Variants in TRAM1 observed in about 807,000 individuals in gnomAD.
TRAM1 encodes translocation associated membrane protein 1.
In TRAM1, 17 loss-of-function variants were observed where a neutral mutation model predicts 48.7. The ratio of observed to expected loss-of-function variants is 0.35; its 90% confidence interval spans 0.24 to 0.52. The LOEUF is 0.52. Among genes scored for constraint, TRAM1 ranks in the 20% least tolerant of loss-of-function variants. The pLI, the probability that TRAM1 is intolerant of heterozygous loss-of-function variation, is 0.94. For synonymous variants in TRAM1, 182 were observed against 154.0 expected, an observed-to-expected ratio of 1.18 and a Z score of -1.34; for missense variants, 351 against 441.5, an observed-to-expected ratio of 0.79 and a Z score of 1.84.
In TRAM1 at chr8:70,581,815, C is replaced by G. The variant is rs757164486; in HGVS notation, c.1051+1349G>C. On this transcript the variant is annotated intron_variant, in intron 10 of 10. Coordinates refer to ENST00000262213, the MANE Select transcript of TRAM1 (RefSeq NM_014294.6). Reference sequence around the variant, plus strand: ...GGCTGTAAAAATAAATGAAGTCTTTCTATATGCTATGACATGGATGAACCT... The same window carrying G: ...GGCTGTAAAAATAAATGAAGTCTTTGTATATGCTATGACATGGATGAACCT... Among the ~76,000 whole-genome samples the G allele has an allele frequency of 1.9e-4, 29 of 152,338 alleles. 1 individual carries two copies. In the Middle Eastern group the frequency reaches 0.02, roughly 107 times the overall value.
At chr8:70,585,974 G>A (rs915124439) in intron 8 of TRAM1, among the ~76,000 whole-genome samples, 2 of 150,494 alleles carry the variant, frequency 1.3e-5, no homozygotes, top group African/African-American at 2.4e-5. Context: ...ACATGCACAC[G>A]TATGTTTATT....
intron 1 of TRAM1, among the ~76,000 whole-genome samples, chr8:70,602,665 A>C (rs776926633): frequency 2.8e-4 from 43 of 152,228 alleles, no homozygotes; most frequent in Non-Finnish European, 5.9e-4. Context: ...CCATAGGGAA[A>C]GGAGATGGCC....
intron 1 of TRAM1, among the ~76,000 whole-genome samples, chr8:70,602,874 TA>T (rs1817632624): frequency 6.6e-6 from 1 of 152,196 alleles, no homozygotes; most frequent in African/African-American, 2.4e-5. Flanking sequence ...GGGGCCGTGG[TA>T]CCACAAAAGC....
intron 10 of TRAM1, among the ~76,000 whole-genome samples, chr8:70,578,904 A>G (rs79157935): frequency 6.6e-6 from 1 of 152,350 alleles, no homozygotes; most frequent in East Asian, 1.9e-4. Flanking sequence ...CCTTATTTGC[A>G]GTGTTGCTTT....
intron 4 of TRAM1, among the ~76,000 whole-genome samples, chr8:70,597,102 G>C (rs1817503790): frequency 6.6e-6 from 1 of 152,090 alleles, no homozygotes; most frequent in Non-Finnish European, 1.5e-5. Context: ...AAAGAATTAT[G>C]TGTCTGACAA....
chr8:70,576,727 T>C (rs909253973), intron 10 of TRAM1, among the ~76,000 whole-genome samples: 1 of 151,952 alleles, frequency 6.6e-6, no homozygotes, highest in African/African-American at 2.4e-5. Context: ...GTGTGAGAGG[T>C]GCATCCAGGG....
chr8:70,589,274 T>G (rs1185741067), intron 6 of TRAM1, among the ~76,000 whole-genome samples: 1 of 152,214 alleles, frequency 6.6e-6, no homozygotes, highest in East Asian at 1.9e-4. Flanking sequence ...TAAGATCCTC[T>G]CTACATAATT....
chr8:70,607,120 G>A, intron 1 of TRAM1: 1 of 982,390 alleles, frequency 1.0e-6, no homozygotes, highest in Non-Finnish European at 1.2e-6. Flanking sequence ...AAATTAAAAA[G>A]GGAAAAAAGC....
At chr8:70,585,104 A>G (rs1462339759) in intron 8 of TRAM1, among the ~76,000 whole-genome samples, 1 of 152,246 alleles carries the variant, frequency 6.6e-6, no homozygotes, top group Non-Finnish European at 1.5e-5. Flanking sequence ...GGAACAGAAC[A>G]GAGCCCTCAG....
At position 70,596,239 on chromosome 8, in the gene TRAM1, AAAGGGCT is replaced by A. The variant is rs762647024; in HGVS notation, c.485+17_485+23del. On this transcript the variant is annotated intron_variant, in intron 5 of 10. Transcript: ENST00000262213. ...GACATGACCATGGTCCTTAACAAAGAAAGGGCTGCTAAAAATGACTTACGTCATCAGG... is the reference window on the plus strand; with the variant it reads ...GACATGACCATGGTCCTTAACAAAGAGCTAAAAATGACTTACGTCATCAGG... The A allele has an allele frequency of 6.4e-7, 1 of 1,556,618 alleles. No individual in the cohort carries two copies. Among genetic ancestry groups the A allele is most frequent in the Non-Finnish European group, 8.7e-7 (1 of 1,155,684 alleles).
At chr8:70,585,066 T>C (rs1337953987) in intron 8 of TRAM1, among the ~76,000 whole-genome samples, 1 of 152,202 alleles carries the variant, frequency 6.6e-6, no homozygotes, top group Non-Finnish European at 1.5e-5. Context: ...AGCATGGTAC[T>C]GGTACCAAAA....
intron 2 of TRAM1, among the ~76,000 whole-genome samples, chr8:70,599,015 C>T (rs1433222010): frequency 1.3e-5 from 2 of 152,092 alleles, no homozygotes; most frequent in South Asian, 2.1e-4. Flanking sequence ...CCCTGTAATC[C>T]CAACACTTAG....
intron 1 of TRAM1, among the ~76,000 whole-genome samples, chr8:70,604,101 T>C (rs1334055380): frequency 6.6e-6 from 1 of 152,178 alleles, no homozygotes; most frequent in Non-Finnish European, 1.5e-5. Flanking sequence ...TTTATGACAG[T>C]TTGAACATTT....
chr8:70,601,655 G>A (rs888755287), intron 1 of TRAM1, among the ~76,000 whole-genome samples: 4 of 152,216 alleles, frequency 2.6e-5, no homozygotes, highest in Non-Finnish European at 4.4e-5. Context: ...AAACCGGAGT[G>A]AGCATGCAGC....
intron 10 of TRAM1, among the ~76,000 whole-genome samples, chr8:70,578,305 C>T (rs1161750493): frequency 1.3e-5 from 2 of 152,158 alleles, no homozygotes. Flanking sequence ...GACAGAGTTT[C>T]GTCATGTTGC....
chr8:70,597,901 G>A lies in TRAM1; in HGVS notation c.420C>T (p.Leu140=). Reference sequence around the variant, plus strand: ...CCTAAGAGGACATACTTACAGAGATGAGAATGAATGTGCCCCAAACACAGG... The same window carrying A: ...CCTAAGAGGACATACTTACAGAGATAAGAATGAATGTGCCCCAAACACAGG... ...LFACVWGTFI[L]ISENYISDPT... Residue 140 remains leucine, a synonymous_variant, in exon 4 of 11, where the codon CTC becomes CTT. Coordinates refer to ENST00000262213, the MANE Select transcript of TRAM1 (RefSeq NM_014294.6). The A allele has an allele frequency of 5.7e-6, 9 of 1,592,382 alleles. No individual in the cohort carries two copies. The highest frequency in any genetic ancestry group is 7.7e-6 in the Non-Finnish European group (9 of 1,167,230).
chr8:70,591,133 A>T (rs1282822311), intron 6 of TRAM1, among the ~76,000 whole-genome samples: 1 of 152,136 alleles, frequency 6.6e-6, no homozygotes, highest in South Asian at 2.1e-4. Flanking sequence ...GGGGTAGTGT[A>T]CCATGAGTTT....
intron 10 of TRAM1, among the ~76,000 whole-genome samples, chr8:70,582,188 A>G (rs1453227266): frequency 6.6e-6 from 1 of 152,234 alleles, no homozygotes; most frequent in African/African-American, 2.4e-5. Context: ...TATCATGTTA[A>G]TGGGTTGAAA....
At position 70,573,741 on chromosome 8, in the gene TRAM1, A is replaced by C. The variant is rs1394529796; in HGVS notation, c.*1191T>G. 7.2e-5 allele frequency: 11 copies of C among 152,662 alleles called. No individual in the cohort carries two copies. Among genetic ancestry groups the C allele is most frequent in the Admixed American group, 7.2e-4 (11 of 15,296 alleles). The allele number at this position is 152,662 out of a possible 1,614,324, so 9.5% of individuals were successfully genotyped here. A position where few individuals can be genotyped will look rare whatever the true frequency, so the allele number is the denominator to read the frequency against. On this transcript the variant is annotated 3_prime_UTR_variant, in exon 11 of 11. Transcript: ENST00000262213. ...GAACACTGAAAAGAACAATATATAT[A>C]CTGTAAATATGATGAATAAACCAAA... is the stretch of plus-strand genomic sequence containing the variant.
Sources: gnomAD v4.1 joint callset for allele counts (sites outside exome capture counted in the v4.1 genomes callset) on GRCh38, gnomAD v4.1.1 for gene constraint, MANE v1.5 for transcripts, NCBI Gene and HGNC (gene_info 2026-07-23, HGNC 2026-07-21) for gene names.